Variants in TM4SF4 observed in about 807,000 individuals in gnomAD.
TM4SF4 encodes the protein transmembrane 4 L six family member 4, also known as transmembrane 4 L6 family member 4.
In TM4SF4, 24 loss-of-function variants were observed where a neutral mutation model predicts 24.1. That is an observed-to-expected ratio of 1.00 (90% CI 0.72 to 1.40). TM4SF4 has a LOEUF of 1.40. Ranked by LOEUF, TM4SF4 falls within the 40% of genes most tolerant of loss-of-function variation. The pLI is 0.00. For missense variants in TM4SF4, 254 were observed against 254.2 expected, an observed-to-expected ratio of 1.00 and a Z score of 0.01; for synonymous variants, 113 against 97.0, an observed-to-expected ratio of 1.17 and a Z score of -0.97.
intron 4 of TM4SF4, 35 bp downstream of exon 4, chr3:149,498,946 G>A (rs1734365553): frequency 3.1e-6 from 5 of 1,609,614 alleles, no homozygotes; most frequent in Non-Finnish European, 4.2e-6. Flanking sequence ...TTCTCAGCAT[G>A]AGGGAGGCCA....
At chr3:149,491,381 G>A (rs1013846683) in intron 3 of TM4SF4, among the ~76,000 whole-genome samples, 5 of 151,810 alleles carry the variant, frequency 3.3e-5, no homozygotes, top group East Asian at 1.9e-4. Context: ...TGGGAGGATC[G>A]TTTGGGCCCA....
chr3:149,475,194 T>A, intron 1 of TM4SF4, 143 bp downstream of exon 1: 1 of 902,752 alleles, frequency 1.1e-6, no homozygotes, highest in Non-Finnish European at 1.6e-6. Context: ...AATGCCTTAA[T>A]TTTTTTCTCG....
Position 149,496,842 on chromosome 3 carries a change from A to T in TM4SF4, c.402-1880A>T, listed in dbSNP as rs573195663. 2.6e-5 allele frequency among the ~76,000 whole-genome samples: 4 copies of T among 151,108 alleles called. No individual in the cohort carries two copies. In the South Asian group the frequency reaches 8.4e-4, roughly 32 times the overall value. ...ATCTCAGTGAATTCTCACAATTGTG[A>T]TGTGGTTCTTAGTCTGTTATATAGA... is the stretch of plus-strand genomic sequence containing the variant. On this transcript the variant is annotated intron_variant, in intron 3 of 4. Coordinates refer to ENST00000305354, the MANE Select transcript of TM4SF4 (RefSeq NM_004617.4).
rs1228955783 is a variant in TM4SF4, at chr3:149,475,902, A to G, written c.254A>G (p.Lys85Arg). 3.1e-6 allele frequency: 5 copies of G among 1,611,890 alleles called. No individual in the cohort carries two copies. Among genetic ancestry groups the G allele is most frequent in the Non-Finnish European group, 4.2e-6 (5 of 1,179,108 alleles). ...TGCTGCGGCAACGAGGGCTGTGGGAAGCGATTTGCGGTGAGTTACCATGGG... is the reference window on the plus strand; with the variant it reads ...TGCTGCGGCAACGAGGGCTGTGGGAGGCGATTTGCGGTGAGTTACCATGGG... ...CGCCGNEGCG[K>R]RFAMFTSTIF... The change falls in exon 2 of 5, where the codon AAG becomes AGG. Residue 85 changes from lysine (K) to arginine (R), a missense_variant. Lys to Arg is a conservative substitution (Grantham distance 26). Transcript: ENST00000305354.
intron 2 of TM4SF4, among the ~76,000 whole-genome samples, chr3:149,481,305 T>TA (rs1430844807): frequency 2.6e-5 from 4 of 151,160 alleles, no homozygotes; most frequent in African/African-American, 4.9e-5. Flanking sequence ...GTGCCTAGGG[T>TA]ATGGAGGACA....
intron 3 of TM4SF4, among the ~76,000 whole-genome samples, chr3:149,497,566 A>G (rs983310635): frequency 7.2e-5 from 11 of 152,244 alleles, no homozygotes; most frequent in Non-Finnish European, 1.5e-4. Context: ...GAGTCATAAT[A>G]TTCCACAAGA....
Position 149,475,766 on chromosome 3 carries a change from G to A in TM4SF4, c.175-57G>A, listed in dbSNP as rs1028086099. 3.4e-6 allele frequency: 5 copies of A among 1,471,276 alleles called. No individual in the cohort carries two copies. The Admixed American group carries it at 7.8e-5, about 23-fold the overall frequency. The allele number at this position is 1,471,276 out of a possible 1,614,324, so 91.1% of individuals were successfully genotyped here. On this transcript the variant is annotated intron_variant, in intron 1 of 4. Transcript: ENST00000305354. The stretch of plus-strand genomic sequence containing the variant: ...TGGGGCTCCTTATACAGTCAGGCAG[G>A]CTCGGGCCCTCCCTTCAACTCCTGG...
At position 149,498,766 on chromosome 3, in the gene TM4SF4, C is replaced by T. The variant is rs769220263; in HGVS notation, c.446C>T (p.Pro149Leu). ...GCCTTATGGAACAAGTGCCGAGAGC[C>T]TCTCAATGTGGTTCCCTGGAATCTG... ...DEALWNKCRE[P>L]LNVVPWNLTL... Residue 149 changes from proline (P) to leucine (L), a missense_variant, in exon 4 of 5, where the codon CCT becomes CTT. Physicochemically the swap from Pro to Leu is moderately conservative, Grantham distance 98. Coordinates refer to ENST00000305354, the MANE Select transcript of TM4SF4 (RefSeq NM_004617.4). 1 of 1,613,878 alleles carries T rather than the reference C, an allele frequency of 6.2e-7. No homozygotes were observed. Among genetic ancestry groups the T allele is most frequent in the African/African-American group, 1.3e-5 (1 of 74,916 alleles).
intron 1 of TM4SF4, 31 bp downstream of exon 1, chr3:149,475,082 G>A (rs769396606): frequency 6.3e-7 from 1 of 1,591,306 alleles, no homozygotes; most frequent in South Asian, 1.1e-5. Flanking sequence ...TCCCCCTAAG[G>A]GAGATTTTCC....
chr3:149,483,865 G>A (rs975583757), intron 2 of TM4SF4, among the ~76,000 whole-genome samples: 6 of 150,808 alleles, frequency 4.0e-5, no homozygotes, highest in Non-Finnish European at 7.4e-5. Flanking sequence ...GCTGCAACCC[G>A]TGCGTCCCAT....
intron 2 of TM4SF4, among the ~76,000 whole-genome samples, chr3:149,479,898 G>A (rs906345728): frequency 2.0e-5 from 3 of 152,080 alleles, no homozygotes; most frequent in African/African-American, 7.2e-5. Flanking sequence ...CCTTTCCTCG[G>A]GTAGCAAAAC....
intron 3 of TM4SF4, among the ~76,000 whole-genome samples, chr3:149,488,602 C>T (rs1453783848): frequency 6.6e-6 from 1 of 152,170 alleles, no homozygotes; most frequent in Non-Finnish European, 1.5e-5. Context: ...AAATTCAGTT[C>T]CTTAATCACA....
In TM4SF4 at chr3:149,487,616, C is replaced by T. The variant is rs1734141465; in HGVS notation, c.265-3C>T. 6.2e-7 allele frequency: 1 copy of T among 1,613,984 alleles called. No individual in the cohort carries two copies. The highest frequency in any genetic ancestry group is 2.2e-5 in the East Asian group (1 of 44,890). ...TGTGACTGTCTCTCTTCCTCTCTTTCAGATGTTCACCTCCACGATATTTGC... is the reference window on the plus strand; with the variant it reads ...TGTGACTGTCTCTCTTCCTCTCTTTTAGATGTTCACCTCCACGATATTTGC... On this transcript the variant is annotated splice_region_variant and splice_polypyrimidine_tract_variant and intron_variant, in intron 2 of 4. Transcript: ENST00000305354.
chr3:149,495,481 G>T, intron 3 of TM4SF4: 1 of 428,122 alleles, frequency 2.3e-6, no homozygotes, highest in East Asian at 8.5e-5. Context: ...CTTTGCTCCA[G>T]TCAACGTTAC....
At chr3:149,497,044 G>A (rs1158201381) in intron 3 of TM4SF4, among the ~76,000 whole-genome samples, 1 of 152,172 alleles carries the variant, frequency 6.6e-6, no homozygotes, top group Non-Finnish European at 1.5e-5. Context: ...TGATGTTAAA[G>A]GAAGTGAGTA....
intron 3 of TM4SF4, among the ~76,000 whole-genome samples, chr3:149,491,554 C>T (rs1246471925): frequency 6.6e-6 from 1 of 151,284 alleles, no homozygotes; most frequent in Non-Finnish European, 1.5e-5. Flanking sequence ...CACATATCTA[C>T]TTTTATATAT....
At chr3:149,477,460 G>A (rs1404009444) in intron 2 of TM4SF4, among the ~76,000 whole-genome samples, 1 of 152,152 alleles carries the variant, frequency 6.6e-6, no homozygotes, top group African/African-American at 2.4e-5. Flanking sequence ...ACTTCCTAAA[G>A]GGAAAGGTGC....
At chr3:149,476,937 A>C (rs1030559953) in intron 2 of TM4SF4, among the ~76,000 whole-genome samples, 4 of 149,402 alleles carry the variant, frequency 2.7e-5, no homozygotes, top group Admixed American at 1.4e-4. Context: ...AGTAGCTGGG[A>C]GTACAAGTGT....
intron 3 of TM4SF4, among the ~76,000 whole-genome samples, chr3:149,490,191 C>T (rs1285048535): frequency 1.3e-5 from 2 of 152,162 alleles, no homozygotes; most frequent in Non-Finnish European, 2.9e-5. Flanking sequence ...TTCACTGCAC[C>T]CTCTTTGCCA....
Sources: allele counts gnomAD v4.1 joint callset (sites outside exome capture counted in the v4.1 genomes callset), GRCh38; gene constraint gnomAD v4.1.1; transcripts MANE v1.5; gene names NCBI Gene and HGNC (gene_info 2026-07-23, HGNC 2026-07-21).